Variants in IQSEC1 observed in about 807,000 individuals in gnomAD.
IQSEC1 encodes IQ motif and Sec7 domain ArfGEF 1.
A neutral mutation model predicts 91.0 loss-of-function variants in IQSEC1; 31 were observed. The ratio of observed to expected loss-of-function variants is 0.34; its 90% confidence interval spans 0.26 to 0.46. The LOEUF (loss-of-function observed/expected upper bound fraction) is 0.46. Ranked by LOEUF, IQSEC1 falls within the 20% of genes least tolerant of loss-of-function variation. The pLI is 1.00. For synonymous variants in IQSEC1, 699 were observed against 662.6 expected (o/e 1.05, Z -0.84); for missense variants, 1,388 against 1,575.6 (o/e 0.88, Z 2.02).
At chr3:12,957,864 G>A (rs1034358447) in intron 1 of IQSEC1, among the ~76,000 whole-genome samples, 2 of 152,216 alleles carry the variant, frequency 1.3e-5, no homozygotes, top group African/African-American at 4.8e-5. Context: ...CATGAACTAC[G>A]GTGACACATC....
rs575737708 is a variant in IQSEC1, at chr3:13,104,828, G to A, written c.303-57306C>T. 2.6e-3 allele frequency among the ~76,000 whole-genome samples: 398 copies of A among 152,312 alleles called. 2 individuals are homozygous for A. The highest frequency in any genetic ancestry group is 8.1e-4 in the Non-Finnish European group (55 of 68,030). ...GTAGGAGCCAGGTCTGCAGGGGTTG[G>A]TCGGGGGGTGAAACAAGCAGCGTGT... On this transcript the variant is annotated intron_variant, in intron 2 of 15. Transcript: ENST00000648114.
chr3:13,019,074 C>T (rs551476548), intron 1 of IQSEC1, among the ~76,000 whole-genome samples: 20 of 152,376 alleles, frequency 1.3e-4, no homozygotes, highest in African/African-American at 4.3e-4. Context: ...ATGGCTCCCC[C>T]CCAACTCTAC....
chr3:13,253,304 G>T (rs188040756), intron 1 of IQSEC1, among the ~76,000 whole-genome samples: 2 of 152,282 alleles, frequency 1.3e-5, no homozygotes, highest in African/African-American at 4.8e-5. Context: ...TGGCAGAGCC[G>T]GGATCTGAAC....
At chr3:13,161,920 A>G (rs980009676) in intron 2 of IQSEC1, among the ~76,000 whole-genome samples, 1 of 152,100 alleles carries the variant, frequency 6.6e-6, no homozygotes, top group Non-Finnish European at 1.5e-5. Context: ...CATTCTCCCC[A>G]GGCAGCCAGT....
intron 1 of IQSEC1, among the ~76,000 whole-genome samples, chr3:13,222,586 C>G (rs562085671): frequency 6.6e-6 from 1 of 152,228 alleles, no homozygotes; most frequent in African/African-American, 2.4e-5. Flanking sequence ...TACCTCCCCC[C>G]AGCAATGGAG....
At chr3:13,100,182 C>T (rs1706033373) in intron 2 of IQSEC1, among the ~76,000 whole-genome samples, 1 of 147,916 alleles carries the variant, frequency 6.8e-6, no homozygotes, top group South Asian at 2.1e-4. Flanking sequence ...GTCCTAACCC[C>T]TCAGCTGTGC....
At chr3:13,177,647 G>A (rs901092095) in intron 1 of IQSEC1, among the ~76,000 whole-genome samples, 6 of 152,238 alleles carry the variant, frequency 3.9e-5, no homozygotes, top group Non-Finnish European at 5.9e-5. Flanking sequence ...GGTGAGAGGG[G>A]AACTCCACTG....
intron 1 of IQSEC1, among the ~76,000 whole-genome samples, chr3:12,943,409 C>G (rs933307948): frequency 6.6e-6 from 1 of 152,214 alleles, no homozygotes; most frequent in Non-Finnish European, 1.5e-5. Flanking sequence ...CAGTGTAGGA[C>G]GAGCAGGGAA....
chr3:13,186,951 T>G (rs1328055079), intron 1 of IQSEC1, among the ~76,000 whole-genome samples: 1 of 152,058 alleles, frequency 6.6e-6, no homozygotes, highest in African/African-American at 2.4e-5. Context: ...CTCTCTTCCA[T>G]GGCCCGCTCC....
At chr3:13,073,942 C>T (rs1281845354), upstream of IQSEC1, among the ~76,000 whole-genome samples, 1 of 152,352 alleles carries the variant, frequency 6.6e-6, no homozygotes, top group East Asian at 1.9e-4. Flanking sequence ...GAGCAGTCCT[C>T]GTTTGTGCCA....
Position 13,073,168 on chromosome 3 carries a change from A to C in IQSEC1, c.-154T>G. On this transcript the variant is annotated 5_prime_UTR_variant, in exon 1 of 14. Coordinates refer to ENST00000613206, the MANE Select transcript of IQSEC1 (RefSeq NM_001134382.3). ...ATTCCCGGGGGTGGCGGGCTCCTCC[A>C]GGGAGGCTGGGGCGGGAGCGGGGGG... The C allele has an allele frequency of 5.4e-5, 27 of 502,188 alleles. No homozygotes were observed. Among genetic ancestry groups the C allele is most frequent in the Non-Finnish European group, 7.8e-5 (22 of 282,688 alleles). The allele number at this position is 502,188 out of a possible 1,614,324, so 31.1% of individuals were successfully genotyped here. A position where few individuals can be genotyped will look rare whatever the true frequency, so the allele number is the denominator to read the frequency against.
chr3:13,227,497 CAT>C (rs1265711466), intron 1 of IQSEC1, among the ~76,000 whole-genome samples: 3 of 151,036 alleles, frequency 2.0e-5, no homozygotes, highest in Non-Finnish European at 4.4e-5. Flanking sequence ...AGTGCAGTAA[CAT>C]ATGAGGTCAG....
intron 2 of IQSEC1, among the ~76,000 whole-genome samples, chr3:13,113,449 T>C (rs776855707): frequency 1.6e-4 from 25 of 152,172 alleles, no homozygotes; most frequent in Non-Finnish European, 2.9e-4. Context: ...CCCAGGGTGC[T>C]GTGTGAAGAT....
intron 1 of IQSEC1, among the ~76,000 whole-genome samples, chr3:13,251,032 C>T (rs1695185979): frequency 6.6e-6 from 1 of 152,218 alleles, no homozygotes; most frequent in Non-Finnish European, 1.5e-5. Flanking sequence ...TCCTTGACTT[C>T]TGAGTCCTCA....
chr3:13,191,052 A>G (rs766138290), intron 1 of IQSEC1, among the ~76,000 whole-genome samples: 2 of 152,140 alleles, frequency 1.3e-5, no homozygotes, highest in Non-Finnish European at 2.9e-5. Context: ...GGCAGGACAT[A>G]CCCCGGTTCA....
intron 2 of IQSEC1, among the ~76,000 whole-genome samples, chr3:13,102,281 C>G (rs777631437): frequency 5.4e-5 from 8 of 149,368 alleles, no homozygotes; most frequent in Non-Finnish European, 7.5e-5. Flanking sequence ...GAACTTGTCT[C>G]AAAATAATAA....
chr3:12,978,968 A>T (rs1701326229), intron 1 of IQSEC1, among the ~76,000 whole-genome samples: 1 of 152,148 alleles, frequency 6.6e-6, no homozygotes, highest in Non-Finnish European at 1.5e-5. Context: ...TAACTTGGAA[A>T]ATATTCCTGT....
chr3:13,238,295 C>G (rs1199981116), intron 1 of IQSEC1, among the ~76,000 whole-genome samples: 4 of 152,186 alleles, frequency 2.6e-5, no homozygotes, highest in Non-Finnish European at 5.9e-5. Context: ...GAGTCCAGAC[C>G]ACGCACAGCA....
Position 12,920,427 on chromosome 3 carries a change from C to A in IQSEC1, c.2020+3G>T. ...GGCTGGCCGACCGCCTGAGACAGCT[C>A]ACCTCGGAGGTTCTTGATGAAGTCC... On this transcript the variant is annotated splice_donor_region_variant and intron_variant, in intron 6 of 13. Transcript: ENST00000613206. 1.2e-6 allele frequency: 2 copies of A among 1,613,066 alleles called. No individual in the cohort carries two copies. The highest frequency in any genetic ancestry group is 1.7e-6 in the Non-Finnish European group (2 of 1,179,084).
Sources: allele counts gnomAD v4.1 joint callset (sites outside exome capture counted in the v4.1 genomes callset), GRCh38; gene constraint gnomAD v4.1.1; transcripts MANE v1.5; gene names NCBI Gene and HGNC (gene_info 2026-07-23, HGNC 2026-07-21).